Variants in MAOB observed in about 807,000 individuals in gnomAD.
MAOB encodes the protein amine oxidase [flavin-containing] B.
A neutral mutation model predicts 41.9 loss-of-function variants in MAOB; 15 were observed. That is an observed-to-expected ratio of 0.36 (90% CI 0.24 to 0.55). MAOB has a LOEUF of 0.55. Among genes scored for constraint, MAOB ranks in the 20% least tolerant of loss-of-function variants. The probability of loss-of-function intolerance (pLI) is 0.86; values close to 1 mark genes in which losing one functional copy is unlikely to be tolerated. For synonymous variants in MAOB, 167 were observed against 144.2 expected, an observed-to-expected ratio of 1.16 and a Z score of -1.13; for missense variants, 345 against 398.7, an observed-to-expected ratio of 0.87 and a Z score of 1.15.
chrX:43,778,486 C>A (rs1054717434), intron 11 of MAOB, among the ~76,000 whole-genome samples, 196 bp downstream of exon 11: 1 of 111,823 alleles, frequency 8.9e-6, no homozygotes, highest in African/African-American at 3.3e-5. Context: ...AGTTCCCTGA[C>A]CTGCCACCAG....
At chrX:43,818,353 C>T (rs138109791) in intron 3 of MAOB, among the ~76,000 whole-genome samples, 1,212 of 112,218 alleles carry the variant, frequency 0.011, 12 homozygotes, top group Admixed American at 0.018. Context: ...ACTCATATTA[C>T]AGATGAGGAG....
chrX:43,803,864 A>G, intron 3 of MAOB, among the ~76,000 whole-genome samples: 1 of 110,992 alleles, frequency 9.0e-6, no homozygotes, highest in African/African-American at 3.3e-5. Context: ...AAGAACCACA[A>G]AACAGGGCCC....
Position 43,882,102 on chromosome X carries a change from G to T in MAOB, c.46+152C>A, listed in dbSNP as rs1290922635. On this transcript the variant is annotated intron_variant, in intron 1 of 14. Coordinates refer to ENST00000378069, the MANE Select transcript of MAOB (RefSeq NM_000898.5). ...GCCCCCAAAGGAGGGTTCAGTGCAC[G>T]GCGCTCTGGACCCACTAGAGCCCTG... 3.1e-6 allele frequency: 3 copies of T among 972,193 alleles called. No individual in the cohort carries two copies. In the East Asian group the frequency reaches 1.2e-4, roughly 39 times the overall value. 80.1% of individuals were successfully genotyped at this position (972,193 alleles called of 1,213,427 possible).
intron 3 of MAOB, among the ~76,000 whole-genome samples, chrX:43,807,686 T>C (rs1028735347): frequency 2.7e-5 from 3 of 112,430 alleles, no homozygotes; most frequent in Non-Finnish European, 5.6e-5. Flanking sequence ...AGTGTGTTGA[T>C]ACATGTAAAT....
At chrX:43,862,990 C>T (rs1381164021) in intron 1 of MAOB, among the ~76,000 whole-genome samples, 2 of 111,913 alleles carry the variant, frequency 1.8e-5, no homozygotes, top group Non-Finnish European at 3.8e-5. Flanking sequence ...ACCACATTCA[C>T]TCTCAATTTG....
At chrX:43,778,916 C>A (rs2034295090) in intron 10 of MAOB, among the ~76,000 whole-genome samples, 177 bp from the exon 11 acceptor site, 1 of 111,777 alleles carries the variant, frequency 8.9e-6, no homozygotes, top group African/African-American at 3.3e-5. Context: ...TGTCTTAAAT[C>A]TTTGAGGTCA....
intron 5 of MAOB, among the ~76,000 whole-genome samples, chrX:43,801,783 G>A (rs1456573633): frequency 1.8e-5 from 2 of 112,988 alleles, no homozygotes; most frequent in African/African-American, 6.4e-5. Flanking sequence ...TTCACACAAG[G>A]TGTGGCAAAT....
chrX:43,844,392 T>C lies in MAOB; in HGVS notation c.47-628A>G, dbSNP rs1276841483. On this transcript the variant is annotated intron_variant, in intron 1 of 14. Transcript: ENST00000378069. Reference sequence around the variant, plus strand: ...AATGCCTATTACATTCTCACCACCATGAATTTAGCTCTTAAAAAAACCCAC... The same window carrying C: ...AATGCCTATTACATTCTCACCACCACGAATTTAGCTCTTAAAAAAACCCAC... 3.6e-5 allele frequency: 4 copies of C among 111,965 alleles called. No individual in the cohort carries two copies. The Admixed American group carries it at 3.8e-4, about 11-fold the overall frequency. 9.2% of individuals were successfully genotyped at this position (111,965 alleles called of 1,213,427 possible). A position where few individuals can be genotyped will look rare whatever the true frequency, so the allele number is the denominator to read the frequency against.
chrX:43,849,837 T>C (rs757174547), intron 1 of MAOB, among the ~76,000 whole-genome samples: 1 of 112,814 alleles, frequency 8.9e-6, no homozygotes, highest in Admixed American at 9.4e-5. Context: ...GCTGTAGTGA[T>C]CAGTGTCTGT....
intron 1 of MAOB, among the ~76,000 whole-genome samples, chrX:43,867,013 C>T (rs751465072): frequency 3.5e-5 from 4 of 112,757 alleles, no homozygotes; most frequent in Non-Finnish European, 7.5e-5. Context: ...GCATTAGCCC[C>T]ACCCGCACTG....
At chrX:43,838,239 A>G in intron 3 of MAOB, among the ~76,000 whole-genome samples, 1 of 111,131 alleles carries the variant, frequency 9.0e-6, no homozygotes, top group Admixed American at 9.5e-5. Context: ...AAAGAGAAGA[A>G]AAGAGTCACA....
At chrX:43,845,345 T>C (rs1430791277) in intron 1 of MAOB, among the ~76,000 whole-genome samples, 1 of 112,256 alleles carries the variant, frequency 8.9e-6, no homozygotes, top group Non-Finnish European at 1.9e-5. Context: ...CTTTCAAAAA[T>C]AATAGTTCTG....
chrX:43,805,155 T>C (rs2034646603), intron 3 of MAOB, among the ~76,000 whole-genome samples: 1 of 111,496 alleles, frequency 9.0e-6, no homozygotes, highest in East Asian at 2.8e-4. Flanking sequence ...TACCTATCAT[T>C]TTGGGAGGTG....
At chrX:43,854,117 AAG>A (rs1306247510) in intron 1 of MAOB, among the ~76,000 whole-genome samples, 2 of 112,227 alleles carry the variant, frequency 1.8e-5, no homozygotes, top group African/African-American at 6.5e-5. Flanking sequence ...GGGAGAGGGT[AAG>A]AGAGCAGAGA....
chrX:43,815,428 A>G (rs1305469777), intron 3 of MAOB, among the ~76,000 whole-genome samples: 1 of 111,987 alleles, frequency 8.9e-6, no homozygotes, highest in African/African-American at 3.2e-5. Flanking sequence ...TCAAAAATAG[A>G]GACGACTATC....
intron 1 of MAOB, among the ~76,000 whole-genome samples, chrX:43,879,940 G>C (rs758135053): frequency 8.9e-6 from 1 of 112,087 alleles, no homozygotes; most frequent in African/African-American, 3.2e-5. Flanking sequence ...CTAGTCCCCT[G>C]GTGAATTCAT....
chrX:43,803,261 T>C (rs757042320), intron 4 of MAOB, 39 bp downstream of exon 4: 21 of 1,082,947 alleles, frequency 1.9e-5, no homozygotes, highest in South Asian at 2.5e-5. Context: ...ATGAAACTTA[T>C]TACAAAAAAG....
At chrX:43,850,212 T>C (rs1377846690) in intron 1 of MAOB, 2 of 285,638 alleles carry the variant, frequency 7.0e-6, no homozygotes, top group African/African-American at 5.9e-5. Context: ...CTCAGCCTTA[T>C]TACCTCCTAT....
chrX:43,872,986 G>A (rs182825860), intron 1 of MAOB, among the ~76,000 whole-genome samples: 5 of 112,259 alleles, frequency 4.5e-5, no homozygotes, highest in Non-Finnish European at 9.4e-5. Context: ...TCAAACTGTA[G>A]ATCATCAAGA....
Sources: allele counts gnomAD v4.1 joint callset (sites outside exome capture counted in the v4.1 genomes callset), GRCh38; gene constraint gnomAD v4.1.1; transcripts MANE v1.5; gene names NCBI Gene and HGNC (gene_info 2026-07-23, HGNC 2026-07-21).